Variants in CEP89 observed in about 807,000 individuals in gnomAD.
CEP89 encodes centrosomal protein of 89 kDa.
A neutral mutation model predicts 97.6 loss-of-function variants in CEP89; 95 were observed. That is an observed-to-expected ratio of 0.97 (90% CI 0.82 to 1.15). The LOEUF is 1.15. CEP89 is among the 50% of genes most tolerant of loss of function. The probability of loss-of-function intolerance (pLI) is 0.00; values close to 1 mark genes in which losing one functional copy is unlikely to be tolerated. For missense variants in CEP89, 869 were observed against 947.7 expected (o/e 0.92, Z 1.09); for synonymous variants, 354 against 349.1 (o/e 1.01, Z -0.16).
Position 32,878,991 on chromosome 19 carries a change from C to A in CEP89, c.*171G>T, listed in dbSNP as rs1036932775. On this transcript the variant is annotated 3_prime_UTR_variant, in exon 19 of 19. Transcript: ENST00000305768. The stretch of plus-strand genomic sequence containing the variant: ...AAAAAAAAAAAATTAAAAAATAAAG[C>A]AAAATGTTATCAATGGATTAAACTA... 1.5e-5 allele frequency: 7 copies of A among 461,696 alleles called. No individual in the cohort carries two copies. The highest frequency in any genetic ancestry group is 5.7e-4 in the Middle Eastern group (1 of 1,754). 28.6% of individuals were successfully genotyped at this position (461,696 alleles called of 1,614,324 possible).
chr19:32,959,956 A>C lies in CEP89; in HGVS notation c.249T>G (p.Ser83Arg), dbSNP rs534382678. The C allele has an allele frequency of 2.8e-5, 46 of 1,614,212 alleles. 1 individual carries two copies. The South Asian group carries it at 5.1e-4, about 18-fold the overall frequency. The change falls in exon 3 of 19, where the codon AGT (serine) becomes AGG (arginine). Residue 83 changes from serine to arginine, a missense_variant. Physicochemically the swap from Ser to Arg is moderately radical, Grantham distance 110. Transcript: ENST00000305768. ...GCTCGATGAAGCTGTCCTGTTCAAC[A>C]CTGCTCACATCACTCTCAGACCGGG... Reference protein sequence around the residue: ...QRSRSESDVSSVEQDSFIEPY... With the variant: ...QRSRSESDVSRVEQDSFIEPY...
chr19:32,883,902 T>C (rs988018222), intron 17 of CEP89, among the ~76,000 whole-genome samples: 3 of 152,242 alleles, frequency 2.0e-5, no homozygotes, highest in African/African-American at 7.2e-5. Flanking sequence ...TTTCCATTTT[T>C]CTTTGTATTT....
chr19:32,923,300 A>G, intron 12 of CEP89, 139 bp downstream of exon 12: 1 of 503,724 alleles, frequency 2.0e-6, no homozygotes, highest in East Asian at 3.2e-5. Flanking sequence ...GTTTTATTGT[A>G]CCTTATTAAT....
chr19:32,917,353 TCTC>T (rs1970148612), intron 13 of CEP89, among the ~76,000 whole-genome samples: 1 of 152,164 alleles, frequency 6.6e-6, no homozygotes, highest in African/African-American at 2.4e-5. Flanking sequence ...TGGGAGATGC[TCTC>T]ATCTTTAAAC....
intron 16 of CEP89, among the ~76,000 whole-genome samples, chr19:32,895,333 A>T (rs1183258318): frequency 6.6e-6 from 1 of 152,204 alleles, no homozygotes; most frequent in African/African-American, 2.4e-5. Context: ...ATCAATAAAC[A>T]TCATAGATCA....
intron 9 of CEP89, 60 bp downstream of exon 9, chr19:32,931,369 C>T (rs755740976): frequency 7.0e-7 from 1 of 1,425,004 alleles, no homozygotes; most frequent in African/African-American, 1.5e-5. Flanking sequence ...GATTGGAAAT[C>T]AATTCAACAG....
At chr19:32,915,615 A>G (rs961228411) in intron 13 of CEP89, 98 bp from the exon 14 acceptor site, 16 of 1,116,420 alleles carry the variant, frequency 1.4e-5, no homozygotes, top group Non-Finnish European at 2.1e-5. Flanking sequence ...CAGCTGATAA[A>G]AATGACCTTT....
intron 14 of CEP89, among the ~76,000 whole-genome samples, chr19:32,902,630 C>T (rs1969804926): frequency 6.6e-6 from 1 of 152,218 alleles, no homozygotes; most frequent in Admixed American, 6.5e-5. Flanking sequence ...AGTGCTGCAA[C>T]TGCTCCCTCC....
rs1180715194 is a variant in CEP89, at chr19:32,947,940, G to C, written c.595+326C>G. On this transcript the variant is annotated intron_variant, in intron 5 of 18. Coordinates refer to ENST00000305768, the MANE Select transcript of CEP89 (RefSeq NM_032816.5). Reference sequence around the variant, plus strand: ...CTCGCCCTTCTGAGTAGCTGGGACTGTAGGCGTGCACCACCTTGCCTGGCT... The same window carrying C: ...CTCGCCCTTCTGAGTAGCTGGGACTCTAGGCGTGCACCACCTTGCCTGGCT... Among the ~76,000 whole-genome samples the C allele has an allele frequency of 3.9e-5, 6 of 152,178 alleles. No individual in the cohort carries two copies. In the East Asian group the frequency reaches 1.2e-3, roughly 29 times the overall value.
intron 2 of CEP89, among the ~76,000 whole-genome samples, chr19:32,962,787 A>G (rs1331380237): frequency 6.6e-6 from 1 of 152,178 alleles, no homozygotes; most frequent in Non-Finnish European, 1.5e-5. Flanking sequence ...AAAACAAGCC[A>G]GGGCTGTGAT....
At chr19:32,904,910 AT>A (rs558336058) in intron 14 of CEP89, among the ~76,000 whole-genome samples, 140 of 152,192 alleles carry the variant, frequency 9.2e-4, no homozygotes, top group African/African-American at 3.2e-3. Context: ...TTTTCTACAC[AT>A]TTTTTTCCTA....
At chr19:32,963,025 C>T (rs979893548) in intron 2 of CEP89, among the ~76,000 whole-genome samples, 2 of 152,064 alleles carry the variant, frequency 1.3e-5, no homozygotes, top group Non-Finnish European at 2.9e-5. Flanking sequence ...CAAATAAGCA[C>T]ATGAAAAAAA....
chr19:32,890,942 C>T (rs867015455), intron 16 of CEP89, among the ~76,000 whole-genome samples: 6 of 152,176 alleles, frequency 3.9e-5, no homozygotes, highest in East Asian at 1.9e-4. Context: ...ATCCCTGGAG[C>T]GCCACGGACA....
chr19:32,953,856 C>T lies in CEP89; in HGVS notation c.306-55G>A, dbSNP rs1213586607. 2.9e-6 allele frequency: 3 copies of T among 1,037,112 alleles called. No homozygotes were observed. The African/African-American group carries it at 5.0e-5, about 17-fold the overall frequency. 64.2% of individuals were successfully genotyped at this position (1,037,112 alleles called of 1,614,324 possible). A position where few individuals can be genotyped will look rare whatever the true frequency, so the allele number is the denominator to read the frequency against. On this transcript the variant is annotated intron_variant, in intron 3 of 18. Transcript: ENST00000305768. ...ACAAAAAGTCACTTAACACTTGACA[C>T]TGATAAATATCTTTTTTTTTTTTTT...
At chr19:32,923,602 T>A in intron 11 of CEP89, 60 bp from the exon 12 acceptor site, 2 of 1,073,520 alleles carry the variant, frequency 1.9e-6, no homozygotes, top group Non-Finnish European at 2.9e-6. Context: ...TATTTCTCAG[T>A]TCTGGTGCTG....
At chr19:32,969,308 C>T (rs1971349572) in intron 1 of CEP89, 1 of 152,398 alleles carries the variant, frequency 6.6e-6, no homozygotes. Flanking sequence ...TTATGGACCT[C>T]AGCGGGGAAG....
At chr19:32,910,173 A>G (rs1969967879) in intron 14 of CEP89, among the ~76,000 whole-genome samples, 1 of 152,118 alleles carries the variant, frequency 6.6e-6, no homozygotes, top group Non-Finnish European at 1.5e-5. Context: ...AGGCACAAGA[A>G]TTGCTTGAAC....
intron 7 of CEP89, among the ~76,000 whole-genome samples, chr19:32,934,082 G>A (rs1970531430): frequency 6.6e-6 from 1 of 152,250 alleles, no homozygotes; most frequent in African/African-American, 2.4e-5. Flanking sequence ...GCACTAGAGT[G>A]GGGACACAGA....
At chr19:32,896,532 G>A (rs1282553164) in intron 16 of CEP89, among the ~76,000 whole-genome samples, 1 of 152,020 alleles carries the variant, frequency 6.6e-6, no homozygotes. Flanking sequence ...AGAAAACATA[G>A]AGGAAGCACT....
Sources: gnomAD v4.1 joint callset for allele counts (sites outside exome capture counted in the v4.1 genomes callset) on GRCh38, gnomAD v4.1.1 for gene constraint, MANE v1.5 for transcripts, NCBI Gene and HGNC (gene_info 2026-07-23, HGNC 2026-07-21) for gene names.